Variants in EIF4A3 observed in about 807,000 individuals in gnomAD.
EIF4A3 encodes eukaryotic translation initiation factor 4A3.
EIF4A3 carries 1 observed loss-of-function variant against 55.6 expected under a neutral mutation model. The observed-to-expected ratio is 0.02, with a 90% confidence interval of 0.01 to 0.09. The LOEUF (loss-of-function observed/expected upper bound fraction) is 0.09. EIF4A3 is among the 10% of genes least tolerant of loss of function. The pLI is 1.00. For missense variants in EIF4A3, 221 were observed against 540.7 expected, an observed-to-expected ratio of 0.41 and a Z score of 5.86; for synonymous variants, 194 against 196.3, an observed-to-expected ratio of 0.99 and a Z score of 0.10.
At chr17:80,146,706 C>T in intron 1 of EIF4A3, 87 bp downstream of exon 1, 2 of 1,454,684 alleles carry the variant, frequency 1.4e-6, no homozygotes, top group Non-Finnish European at 9.1e-7. Flanking sequence ...AGCGCAGGGC[C>T]GGCCCGGGAG....
intron 2 of EIF4A3, 101 bp downstream of exon 2, chr17:80,144,071 A>C (rs2039639513): frequency 2.7e-6 from 3 of 1,100,590 alleles, no homozygotes; most frequent in Admixed American, 1.7e-5. Flanking sequence ...GTTGGAACTG[A>C]GCGTGTACAA....
At position 80,136,070 on chromosome 17, in the gene EIF4A3, C is replaced by T. The variant is rs2143982218; in HGVS notation, c.1153G>A (p.Asp385Asn). Residue 385 changes from aspartate (D) to asparagine (N), a missense_variant, in exon 11 of 12, where the codon GAC (aspartate) becomes AAC (asparagine). By Grantham distance (23) the Asp-to-Asn change is conservative. Transcript: ENST00000649764. ...GVAINFVKND[D>N]IRILRDIEQY... ...TCGATATCTCTGAGGATGCGGATGT[C>T]GTCATTCTTTACAAAGTTAATGGCC... 1.9e-6 allele frequency: 3 copies of T among 1,614,156 alleles called. No homozygotes were observed. The highest frequency in any genetic ancestry group is 2.5e-6 in the Non-Finnish European group (3 of 1,180,028).
At chr17:80,141,698 A>G in intron 3 of EIF4A3, 84 bp downstream of exon 3, 6 of 1,395,956 alleles carry the variant, frequency 4.3e-6, no homozygotes, top group Non-Finnish European at 6.0e-6. Context: ...TTTAAATTGT[A>G]CTTTTTGAAC....
chr17:80,146,560 G>A (rs1156459871), intron 1 of EIF4A3, among the ~76,000 whole-genome samples: 7 of 152,110 alleles, frequency 4.6e-5, no homozygotes, highest in Non-Finnish European at 5.9e-5. Flanking sequence ...GCCCCCGACA[G>A]ACCCAGCGCC....
At chr17:80,138,512 A>G (rs1163773273) in intron 7 of EIF4A3, 2 of 504,660 alleles carry the variant, frequency 4.0e-6, no homozygotes, top group African/African-American at 4.1e-5. Flanking sequence ...ATACGATTCT[A>G]AACGAAACAC....
In EIF4A3 at chr17:80,140,003, C is replaced by T; in HGVS notation, c.505+5G>A. On this transcript the variant is annotated splice_donor_5th_base_variant and intron_variant, in intron 5 of 11. Transcript: ENST00000649764. ...AGCACCATTTTTAGCGACAAAAGTG[C>T]TTACCAAAAACACGCCCTGGAGTGC... is the stretch of plus-strand genomic sequence containing the variant. 3 of 1,609,572 alleles carry T rather than the reference C, an allele frequency of 1.9e-6. No individual in the cohort carries two copies. The highest frequency in any genetic ancestry group is 2.5e-6 in the Non-Finnish European group (3 of 1,178,020).
In EIF4A3 at chr17:80,139,166, G is replaced by A. The variant is rs1288782704; in HGVS notation, c.587-4C>T. On this transcript the variant is annotated splice_polypyrimidine_tract_variant and splice_region_variant and intron_variant, in intron 6 of 11. Coordinates refer to ENST00000649764, the MANE Select transcript of EIF4A3 (RefSeq NM_014740.4). ...TCGTAAATCTGCTCTTTGAAACCTG[G>A]GACAGGGAGCAAGACAGGTGAGGGA... 1 of 1,613,796 alleles carries A rather than the reference G, an allele frequency of 6.2e-7. No homozygotes were observed.
In EIF4A3 at chr17:80,146,944, C is replaced by T. The variant is rs774667540; in HGVS notation, c.18G>A (p.Thr6=). ...TTCGCGCCGAGCCCGAGGTCGCCAT[C>T]GTGGCCGTGGTCGCCATGATTCAGA... The part of the protein sequence containing the change: MATTA[T]MATSGSARKR... Residue 6 remains threonine (T), a synonymous_variant, in exon 1 of 12, where the codon ACG becomes ACA. Coordinates refer to ENST00000649764, the MANE Select transcript of EIF4A3 (RefSeq NM_014740.4). 1 of 1,607,086 alleles carries T rather than the reference C, an allele frequency of 6.2e-7. No individual in the cohort carries two copies. Among genetic ancestry groups the T allele is most frequent in the Admixed American group, 1.7e-5 (1 of 59,834 alleles).
intron 1 of EIF4A3, among the ~76,000 whole-genome samples, chr17:80,146,364 C>T (rs1356449082): frequency 1.3e-5 from 2 of 152,310 alleles, no homozygotes; most frequent in East Asian, 3.9e-4. Context: ...TCAATTACCC[C>T]GCTTCAGGTT....
chr17:80,139,619 T>A (rs1283007105), intron 6 of EIF4A3, 51 bp downstream of exon 6: 2 of 1,512,008 alleles, frequency 1.3e-6, no homozygotes. Context: ...TGTGAAAATT[T>A]AAGAACTAAG....
chr17:80,135,616 C>T, intron 11 of EIF4A3, 110 bp from the exon 12 acceptor site: 1 of 999,072 alleles, frequency 1.0e-6, no homozygotes, highest in African/African-American at 1.6e-5. Flanking sequence ...AAAAAACAGG[C>T]CAGACATAGT....
chr17:80,140,926 G>A (rs2039612549), intron 4 of EIF4A3, among the ~76,000 whole-genome samples: 1 of 151,948 alleles, frequency 6.6e-6, no homozygotes, highest in African/African-American at 2.4e-5. Flanking sequence ...CACCCAAGTA[G>A]CTGGGATTAC....
At chr17:80,136,618 TAA>T in intron 9 of EIF4A3, 1 of 389,428 alleles carries the variant, frequency 2.6e-6, no homozygotes, top group Non-Finnish European at 4.6e-6. Context: ...TAATCGGTCC[TAA>T]ACCAATAATT....
rs1598604582 is a variant in EIF4A3 at position 80,139,122 on chromosome 17, A to G, written c.627T>C (p.Pro209=). 6.2e-7 allele frequency: 1 copy of G among 1,614,118 alleles called. No homozygotes were observed. The highest frequency in any genetic ancestry group is 8.5e-7 in the Non-Finnish European group (1 of 1,180,028). ...TGATGAGAACCACCTGTGTGGCTGGAGGCAGGTACCTGTATACATCGTAAA... is the reference window on the plus strand; with the variant it reads ...TGATGAGAACCACCTGTGTGGCTGGGGGCAGGTACCTGTATACATCGTAAA... The part of the protein sequence containing the change: ...EQIYDVYRYL[P]PATQVVLISA... The change falls in exon 7 of 12, where the codon CCT becomes CCC. Residue 209 remains proline (P), a synonymous_variant. Transcript: ENST00000649764.
chr17:80,146,632 G>A (rs545394962), intron 1 of EIF4A3, among the ~76,000 whole-genome samples, 161 bp downstream of exon 1: 2 of 152,236 alleles, frequency 1.3e-5, no homozygotes, highest in South Asian at 2.1e-4. Context: ...GGGCGAGGAC[G>A]GGGGTGGGGG....
Position 80,135,403 on chromosome 17 carries a change from C to T in EIF4A3, c.*87G>A, listed in dbSNP as rs1474254875. On this transcript the variant is annotated 3_prime_UTR_variant, in exon 12 of 12. Coordinates refer to ENST00000649764, the MANE Select transcript of EIF4A3 (RefSeq NM_014740.4). The stretch of plus-strand genomic sequence containing the variant: ...TTATGAGAAGAAAGTCCATATAAAC[C>T]CCATTAAGTAGAATCTGGATCTAAA... The T allele has an allele frequency of 2.0e-5, 29 of 1,471,708 alleles. No homozygotes were observed. In the East Asian group the frequency reaches 7.3e-4, roughly 37 times the overall value. 91.2% of individuals were successfully genotyped at this position (1,471,708 alleles called of 1,614,324 possible).
chr17:80,142,136 A>T (rs2039623671), intron 2 of EIF4A3, among the ~76,000 whole-genome samples: 1 of 152,240 alleles, frequency 6.6e-6, no homozygotes, highest in African/African-American at 2.4e-5. Flanking sequence ...ACTCCCCTTT[A>T]TCTAAATACA....
chr17:80,138,010 A>G (rs1025728698), intron 8 of EIF4A3, 132 bp downstream of exon 8: 2 of 1,214,826 alleles, frequency 1.6e-6, no homozygotes, highest in African/African-American at 3.0e-5. Flanking sequence ...CTGCTTTTAC[A>G]AGAGAACACA....
chr17:80,146,771 C>A (rs777602074), intron 1 of EIF4A3, 22 bp downstream of exon 1: 1 of 1,600,292 alleles, frequency 6.2e-7, no homozygotes, highest in Admixed American at 1.7e-5. Context: ...CCGGCTGGCC[C>A]CCGCGGCCCG....
Sources: gnomAD v4.1 joint callset for allele counts (sites outside exome capture counted in the v4.1 genomes callset) on GRCh38, gnomAD v4.1.1 for gene constraint, MANE v1.5 for transcripts, NCBI Gene and HGNC (gene_info 2026-07-23, HGNC 2026-07-21) for gene names.